Variants in DNAH10 observed in about 807,000 individuals in gnomAD.
The protein encoded by DNAH10 is axonemal beta dynein heavy chain 10.
Under a neutral mutation model 506.6 loss-of-function variants are expected in DNAH10, and 348 were observed. The observed-to-expected ratio is 0.69, with a 90% CI of 0.63 to 0.75. The LOEUF (loss-of-function observed/expected upper bound fraction) is 0.75, where lower values mean the gene tolerates loss of function less well. Among genes scored for constraint, DNAH10 ranks in the 30% least tolerant of loss-of-function variants. The pLI, the probability that DNAH10 is intolerant of heterozygous loss-of-function variation, is 0.00. For missense variants in DNAH10, 5,179 were observed against 5,787.1 expected, an observed-to-expected ratio of 0.89 and a Z score of 3.41; for synonymous variants, 2,059 against 2,198.6, an observed-to-expected ratio of 0.94 and a Z score of 1.78.
Position 123,931,730 on chromosome 12 carries a change from G to A in DNAH10, c.13011G>A (p.Gln4337=). 1.2e-6 allele frequency: 2 copies of A among 1,614,076 alleles called. No individual in the cohort carries two copies. Among genetic ancestry groups the A allele is most frequent in the Non-Finnish European group, 1.7e-6 (2 of 1,179,906 alleles). The change falls in exon 75 of 79, where the codon CAG becomes CAA. Residue 4337 remains glutamine, a synonymous_variant. Coordinates refer to ENST00000673944, the MANE Select transcript of DNAH10 (RefSeq NM_001372106.1). ...NKMPKVFDLD[Q]VRKRLGTGLS... The stretch of plus-strand genomic sequence containing the variant: ...TGCCCAAAGTCTTTGACTTGGACCA[G>A]GTGAGGAAGCGCCTCGGAACAGGAC...
intron 1 of DNAH10, among the ~76,000 whole-genome samples, chr12:123,766,144 C>A (rs1957040188): frequency 6.6e-6 from 1 of 152,000 alleles, no homozygotes; most frequent in Non-Finnish European, 1.5e-5. Context: ...CTCCTGTCTA[C>A]CTACCTACCT....
intron 5 of DNAH10, among the ~76,000 whole-genome samples, chr12:123,779,213 C>T (rs573607966): frequency 0.078 from 11,914 of 151,842 alleles, 745 homozygotes; most frequent in African/African-American, 0.18. Context: ...TAATTTTTTT[C>T]TTTTAATTGT....
chr12:123,855,187 G>A (rs1951337199), intron 36 of DNAH10, among the ~76,000 whole-genome samples: 1 of 152,162 alleles, frequency 6.6e-6, no homozygotes. Context: ...TCCACATCCT[G>A]GAGGTAATGG....
rs142255135 is a variant in DNAH10, at chr12:123,918,904, A to C, written c.11461A>C (p.Ile3821Leu). The C allele has an allele frequency of 9.4e-5, 152 of 1,613,840 alleles. No individual in the cohort carries two copies. The East Asian group carries it at 2.5e-3, about 26-fold the overall frequency. ...DSILMKRLRN[I>L]MDTLTFSIYN... is the part of the protein sequence containing the mutation. Reference sequence around the variant, plus strand: ...CATCCTCATGAAACGCCTGAGGAACATCATGGACACGCTGACCTTCAGCAT... The same window carrying C: ...CATCCTCATGAAACGCCTGAGGAACCTCATGGACACGCTGACCTTCAGCAT... The change falls in exon 65 of 79, where the codon ATC (isoleucine) becomes CTC (leucine). Residue 3821 changes from isoleucine to leucine, a missense_variant. This residue lies in a region of DNAH10 where 4,844 missense variants were observed against 5,430.5 expected (regional missense o/e 0.89). Transcript: ENST00000673944.
In DNAH10 at chr12:123,803,805, A is replaced by G; in HGVS notation, c.2759A>G (p.Lys920Arg). 1 of 1,611,424 alleles carries G rather than the reference A, an allele frequency of 6.2e-7. No individual in the cohort carries two copies. The highest frequency in any genetic ancestry group is 8.5e-7 in the Non-Finnish European group (1 of 1,179,502). The stretch of plus-strand genomic sequence containing the variant: ...AATCTCTTTAAATATCCAGCCGCTA[A>G]AAGTGAGGAAGAACTCCCAGGTAGA... ...AINLFKYPAA[K>R]SEEELPGVKE... Residue 920 changes from lysine (K) to arginine (R), a missense_variant, in exon 17 of 79, where the codon AAA becomes AGA. Transcript: ENST00000673944.
At chr12:123,810,911 A>G (rs1247262272) in intron 19 of DNAH10, among the ~76,000 whole-genome samples, 1 of 152,180 alleles carries the variant, frequency 6.6e-6, no homozygotes, top group Non-Finnish European at 1.5e-5. Context: ...TTCCATGCCA[A>G]CTTAACTTTC....
intron 21 of DNAH10, chr12:123,814,142 A>C (rs1323348248): frequency 2.7e-6 from 1 of 375,878 alleles, no homozygotes; most frequent in Non-Finnish European, 4.6e-6. Flanking sequence ...TACCATTTCC[A>C]TTCTCCCTTT....
chr12:123,789,581 G>A (rs1958001676), intron 10 of DNAH10, among the ~76,000 whole-genome samples: 1 of 152,046 alleles, frequency 6.6e-6, no homozygotes, highest in African/African-American at 2.4e-5. Context: ...ACAGGGTTTC[G>A]CCATGTTTGC....
rs908761214 is a variant in DNAH10, at chr12:123,772,724, T to C, written c.397-110T>C. On this transcript the variant is annotated intron_variant, in intron 3 of 78. Coordinates refer to ENST00000673944, the MANE Select transcript of DNAH10 (RefSeq NM_001372106.1). Reference sequence around the variant, plus strand: ...TGGCTGTGGCTACATTGTCAGAACATGAGACCAGCCATTGTGTTGAGAGGA... The same window carrying C: ...TGGCTGTGGCTACATTGTCAGAACACGAGACCAGCCATTGTGTTGAGAGGA... 5 of 787,950 alleles carry C rather than the reference T, an allele frequency of 6.3e-6. No individual in the cohort carries two copies. In the African/African-American group the frequency reaches 8.7e-5, roughly 14 times the overall value. The allele number at this position is 787,950 out of a possible 1,614,324, so 48.8% of individuals were successfully genotyped here.
In DNAH10 at chr12:123,908,431, C is replaced by A. The variant is rs1476987940; in HGVS notation, c.9816-830C>A. On this transcript the variant is annotated intron_variant, in intron 57 of 78. Coordinates refer to ENST00000673944, the MANE Select transcript of DNAH10 (RefSeq NM_001372106.1). ...GGACCTCTGTCTCCTGCTCTTCTCTCCTGCTTTTCCTTCCTCTCCTGCTTT... is the reference window on the plus strand; with the variant it reads ...GGACCTCTGTCTCCTGCTCTTCTCTACTGCTTTTCCTTCCTCTCCTGCTTT... The A allele has an allele frequency of 6.6e-6, 3 of 456,156 alleles. No individual in the cohort carries two copies. The Admixed American group carries it at 7.0e-5, about 11-fold the overall frequency. The allele number at this position is 456,156 out of a possible 1,614,324, so 28.3% of individuals were successfully genotyped here.
Position 123,917,294 on chromosome 12 carries a change from A to G in DNAH10, c.11003-290A>G, listed in dbSNP as rs1399912131. Reference sequence around the variant, plus strand: ...AGTGCTGGGATTACAGGCATGAGCCACTGCGCCCAGTCTGGGTATACTTTA... The same window carrying G: ...AGTGCTGGGATTACAGGCATGAGCCGCTGCGCCCAGTCTGGGTATACTTTA... On this transcript the variant is annotated intron_variant, in intron 63 of 78. Coordinates refer to ENST00000673944, the MANE Select transcript of DNAH10 (RefSeq NM_001372106.1). This position sits in a 1 kb window ranked among gnomAD's most constrained non-coding sequence, Gnocchi z 5.6. 2.0e-5 allele frequency among the ~76,000 whole-genome samples: 3 copies of G among 152,172 alleles called. No homozygotes were observed. The highest frequency in any genetic ancestry group is 4.4e-5 in the Non-Finnish European group (3 of 68,034).
chr12:123,816,750 CTG>C lies in DNAH10; in HGVS notation c.3781-2199_3781-2198del, dbSNP rs527504637. Reference sequence around the variant, plus strand: ...GGCACCTAATACTTGCAACTGGCATCTGAAGTGAGGACAACCTTATGGGACTT... The same window carrying C: ...GGCACCTAATACTTGCAACTGGCATCAAGTGAGGACAACCTTATGGGACTT... On this transcript the variant is annotated intron_variant, in intron 21 of 78. Coordinates refer to ENST00000673944, the MANE Select transcript of DNAH10 (RefSeq NM_001372106.1). 4.2e-3 allele frequency among the ~76,000 whole-genome samples: 635 copies of C among 152,310 alleles called. 6 individuals are homozygous for C. The highest frequency in any genetic ancestry group is 0.014 in the African/African-American group (581 of 41,564).
chr12:123,865,496 T>G (rs1951770527), intron 40 of DNAH10, among the ~76,000 whole-genome samples: 1 of 151,926 alleles, frequency 6.6e-6, no homozygotes, highest in Non-Finnish European at 1.5e-5. Context: ...CTGAACTATA[T>G]TTTTTTTGTA....
Position 123,762,642 on chromosome 12 carries a change from T to A in DNAH10, c.214+92T>A. On this transcript the variant is annotated intron_variant, in intron 1 of 78. Transcript: ENST00000673944. This position sits in a 1 kb window ranked among gnomAD's most constrained non-coding sequence, Gnocchi z 5.0. ...CGCCGGGGCTGCTAGAGCCTGCCCATCGTCCGGCCCCGGCCTCAGGTGCTG... is the reference window on the plus strand; with the variant it reads ...CGCCGGGGCTGCTAGAGCCTGCCCAACGTCCGGCCCCGGCCTCAGGTGCTG... 1 of 1,354,556 alleles carries A rather than the reference T, an allele frequency of 7.4e-7. No homozygotes were observed. Among genetic ancestry groups the A allele is most frequent in the African/African-American group, 1.5e-5 (1 of 67,136 alleles). The allele number at this position is 1,354,556 out of a possible 1,614,324, so 83.9% of individuals were successfully genotyped here.
intron 54 of DNAH10, among the ~76,000 whole-genome samples, chr12:123,895,519 T>C (rs1321971152): frequency 6.6e-6 from 1 of 152,202 alleles, no homozygotes. Context: ...TGGTAAATAT[T>C]TACAGCTTTT....
chr12:123,870,833 G>A (rs1053757260), intron 44 of DNAH10, among the ~76,000 whole-genome samples: 2 of 152,220 alleles, frequency 1.3e-5, no homozygotes, highest in African/African-American at 4.8e-5. Context: ...AGACGGCAAC[G>A]AACGAGGCAG....
chr12:123,801,164 C>G, intron 15 of DNAH10, 117 bp from the exon 16 acceptor site: 1 of 1,099,188 alleles, frequency 9.1e-7, no homozygotes, highest in Non-Finnish European at 1.3e-6. Flanking sequence ...CTGCAAATCT[C>G]TTGATCAAGG....
At chr12:123,874,301 ATC>A (rs1952154662) in intron 46 of DNAH10, among the ~76,000 whole-genome samples, 1 of 150,644 alleles carries the variant, frequency 6.6e-6, no homozygotes, top group Admixed American at 6.6e-5. Context: ...CCATCCATCC[ATC>A]CATCCATATG....
rs545272436 is a variant in DNAH10 at position 123,838,005 on chromosome 12, T to C, written c.4903-451T>C. Among the ~76,000 whole-genome samples the C allele has an allele frequency of 7.2e-5, 11 of 152,300 alleles. No individual in the cohort carries two copies. In the Middle Eastern group the frequency reaches 0.017, roughly 235 times the overall value. On this transcript the variant is annotated intron_variant, in intron 28 of 78. Transcript: ENST00000673944. ...CAGATGATTGACCTGTTGCTGGACA[T>C]TGAGGCTATTTCTTTCTTTTTCTGC...
Sources: gnomAD v4.1 joint callset for allele counts (sites outside exome capture counted in the v4.1 genomes callset) on GRCh38, gnomAD v4.1.1 for gene constraint, gnomAD v4.1.1 regional missense constraint, Gnocchi (gnomAD v3.1) non-coding constraint, MANE v1.5 for transcripts, NCBI Gene and HGNC (gene_info 2026-07-23, HGNC 2026-07-21) for gene names.